ARHGAP44: variants seen among roughly 807,000 people sequenced by gnomAD.
ARHGAP44 encodes the protein Rho GTPase activating protein 44.
ARHGAP44 carries 43 observed loss-of-function variants against 106.8 expected under a neutral mutation model. The ratio of observed to expected loss-of-function variants is 0.40; its 90% CI spans 0.32 to 0.52. The LOEUF is 0.52. Ranked by LOEUF, ARHGAP44 falls within the 20% of genes least tolerant of loss-of-function variation. The pLI is 0.48. For synonymous variants in ARHGAP44, 439 were observed against 410.3 expected (o/e 1.07, Z -0.85); for missense variants, 866 against 1,050.5 (o/e 0.82, Z 2.43).
chr17:12,929,951 T>C (rs2038351817), intron 7 of ARHGAP44, among the ~76,000 whole-genome samples: 1 of 152,198 alleles, frequency 6.6e-6, no homozygotes, highest in African/African-American at 2.4e-5. Flanking sequence ...GGCTTTGACC[T>C]TGCATTCAGG....
chr17:12,845,337 A>G (rs7220540), intron 1 of ARHGAP44, among the ~76,000 whole-genome samples: 44,565 of 151,582 alleles, frequency 0.29, 9,720 homozygotes, highest in African/African-American at 0.61. Flanking sequence ...GTGAAACCCC[A>G]TCTCTACTAA....
At chr17:12,879,696 T>C (rs201609903) in intron 1 of ARHGAP44, among the ~76,000 whole-genome samples, 2 of 20,796 alleles carry the variant, frequency 9.6e-5, no homozygotes, top group Non-Finnish European at 2.8e-4. Flanking sequence ...TATATATATA[T>C]ACACATACAC....
chr17:12,915,833 G>A, intron 4 of ARHGAP44, 67 bp from the exon 5 acceptor site: 2 of 1,367,526 alleles, frequency 1.5e-6, no homozygotes, highest in Non-Finnish European at 2.0e-6. Context: ...GGAGGTGAGG[G>A]GAGGGTAACG....
At chr17:12,911,592 G>A (rs921454287) in intron 4 of ARHGAP44, among the ~76,000 whole-genome samples, 1 of 152,130 alleles carries the variant, frequency 6.6e-6, no homozygotes, top group Non-Finnish European at 1.5e-5. Context: ...TCACGAATGT[G>A]GTTGAAAGCT....
intron 1 of ARHGAP44, among the ~76,000 whole-genome samples, chr17:12,800,104 C>A (rs1187185586): frequency 6.6e-6 from 1 of 152,166 alleles, no homozygotes; most frequent in Non-Finnish European, 1.5e-5. Flanking sequence ...AATAAGCACT[C>A]AATAAATGAC....
In ARHGAP44 at chr17:12,944,062, C is replaced by A; in HGVS notation, c.734-7C>A. On this transcript the variant is annotated splice_region_variant and splice_polypyrimidine_tract_variant and intron_variant, in intron 9 of 20. Transcript: ENST00000379672. ...GCTGACTGACTCTTTCTCACTCCTCCCCTCAGAGGCCTGGGTAGAGAAGCC... is the reference window on the plus strand; with the variant it reads ...GCTGACTGACTCTTTCTCACTCCTCACCTCAGAGGCCTGGGTAGAGAAGCC... 1 of 1,595,546 alleles carries A rather than the reference C, an allele frequency of 6.3e-7. No individual in the cohort carries two copies. Among genetic ancestry groups the A allele is most frequent in the Non-Finnish European group, 8.6e-7 (1 of 1,168,518 alleles).
intron 3 of ARHGAP44, among the ~76,000 whole-genome samples, chr17:12,903,094 G>GAA (rs2037423933): frequency 1.8e-5 from 1 of 56,364 alleles, no homozygotes; most frequent in Non-Finnish European, 3.4e-5. Context: ...GAGAGAGAGA[G>GAA]AGAGAGAGAG....
At chr17:12,884,932 G>A (rs141427363) in intron 1 of ARHGAP44, among the ~76,000 whole-genome samples, 26 of 151,980 alleles carry the variant, frequency 1.7e-4, no homozygotes, top group Admixed American at 5.2e-4. Context: ...ATGGAGTCTC[G>A]CTGTGTCACC....
chr17:12,800,498 A>G (rs968454077), intron 1 of ARHGAP44, among the ~76,000 whole-genome samples: 1 of 152,176 alleles, frequency 6.6e-6, no homozygotes, highest in South Asian at 2.1e-4. Context: ...CACATGGTGC[A>G]GTGATGGCAG....
At position 12,983,221 on chromosome 17, in the gene ARHGAP44, C is replaced by T. The variant is rs373481362; in HGVS notation, c.1940-1310C>T. Among the ~76,000 whole-genome samples the T allele has an allele frequency of 1.1e-3, 157 of 144,424 alleles. 3 individuals carry two copies. In the South Asian group the frequency reaches 0.031, roughly 29 times the overall value. The allele number at this position is 144,424 out of a possible 152,430, so 94.7% of individuals were successfully genotyped here. A position where few individuals can be genotyped will look rare whatever the true frequency, so the allele number is the denominator to read the frequency against. On this transcript the variant is annotated intron_variant, in intron 19 of 20. Transcript: ENST00000379672. Reference sequence around the variant, plus strand: ...CGGAGTTTGCAGAGAGCCGAGATCGCGCCACTGCACTCCAGCCTGGGTGAC... The same window carrying T: ...CGGAGTTTGCAGAGAGCCGAGATCGTGCCACTGCACTCCAGCCTGGGTGAC...
chr17:12,844,893 T>C (rs1435865774), intron 1 of ARHGAP44, among the ~76,000 whole-genome samples: 3 of 152,194 alleles, frequency 2.0e-5, no homozygotes, highest in African/African-American at 7.2e-5. Flanking sequence ...GATACTATGC[T>C]GTTATCGGAA....
chr17:12,989,548 A>G (rs561306569), intron 20 of ARHGAP44, among the ~76,000 whole-genome samples: 68 of 152,322 alleles, frequency 4.5e-4, no homozygotes, highest in Admixed American at 1.2e-3. Context: ...CACCCATGTC[A>G]GCCATCCAAA....
chr17:12,984,294 A>T (rs1457261497), intron 19 of ARHGAP44, among the ~76,000 whole-genome samples: 2 of 151,654 alleles, frequency 1.3e-5, no homozygotes, highest in Non-Finnish European at 2.9e-5. Flanking sequence ...AGGAGGAAAA[A>T]TTAGTTAACA....
At chr17:12,985,254 C>A in intron 20 of ARHGAP44, 1 of 237,970 alleles carries the variant, frequency 4.2e-6, no homozygotes, top group Non-Finnish European at 8.0e-6. Context: ...AAAACAGCAT[C>A]AAAACTCAGG....
intron 3 of ARHGAP44, 61 bp downstream of exon 3, chr17:12,896,572 T>C: frequency 7.1e-7 from 1 of 1,409,968 alleles, no homozygotes; most frequent in Non-Finnish European, 9.7e-7. Context: ...AGGTTCCTAC[T>C]CCTGTGACAC....
At chr17:12,937,486 G>C (rs540747373) in intron 7 of ARHGAP44, among the ~76,000 whole-genome samples, 1 of 152,260 alleles carries the variant, frequency 6.6e-6, no homozygotes, top group South Asian at 2.1e-4. Flanking sequence ...TCCTGCCCCA[G>C]TACTGATTTC....
chr17:12,797,956 C>T (rs2150757472), intron 1 of ARHGAP44, among the ~76,000 whole-genome samples: 1 of 152,172 alleles, frequency 6.6e-6, no homozygotes, highest in South Asian at 2.1e-4. Flanking sequence ...ACTGTAGCTT[C>T]AGTGATTTGA....
intron 8 of ARHGAP44, 147 bp from the exon 9 acceptor site, chr17:12,943,441 C>G (rs1452268366): frequency 3.1e-6 from 2 of 655,120 alleles, no homozygotes; most frequent in Non-Finnish European, 5.4e-6. Flanking sequence ...AGGAAGCATG[C>G]TCGTTATTTT....
At chr17:12,856,617 T>C (rs977824703) in intron 1 of ARHGAP44, among the ~76,000 whole-genome samples, 1 of 152,176 alleles carries the variant, frequency 6.6e-6, no homozygotes, top group Non-Finnish European at 1.5e-5. Flanking sequence ...AAGGCTGTTA[T>C]AACATACGGG....
Sources: gnomAD v4.1 joint callset for allele counts (sites outside exome capture counted in the v4.1 genomes callset) on GRCh38, gnomAD v4.1.1 for gene constraint, MANE v1.5 for transcripts, NCBI Gene and HGNC (gene_info 2026-07-23, HGNC 2026-07-21) for gene names.